Variants in PTPRD observed in about 807,000 individuals in gnomAD.
PTPRD encodes protein tyrosine phosphatase receptor type D.
PTPRD carries 34 observed loss-of-function variants against 214.5 expected under a neutral mutation model. That is an observed-to-expected ratio of 0.16 (90% CI 0.12 to 0.21). PTPRD has a LOEUF of 0.21. Ranked by LOEUF, PTPRD falls within the 10% of genes least tolerant of loss-of-function variation. The probability of loss-of-function intolerance (pLI) is 1.00; values close to 1 mark genes in which losing one functional copy is unlikely to be tolerated. For missense variants in PTPRD, 2,545 were observed against 2,398.7 expected (o/e 1.06, Z -1.27); for synonymous variants, 1,128 against 845.7 (o/e 1.33, Z -5.79).
chr9:9,458,818 C>A (rs149125429), intron 8 of PTPRD, among the ~76,000 whole-genome samples: 1 of 151,944 alleles, frequency 6.6e-6, no homozygotes, highest in African/African-American at 2.4e-5. Context: ...TGTATGCCTG[C>A]AGTCCCAGCT....
chr9:10,397,334 C>T (rs956500031), intron 2 of PTPRD, among the ~76,000 whole-genome samples: 1 of 151,988 alleles, frequency 6.6e-6, no homozygotes, highest in African/African-American at 2.4e-5. Context: ...AGTTAAACAA[C>T]ATGTAAGTGT....
chr9:8,725,294 T>G (rs1446232498), intron 12 of PTPRD, among the ~76,000 whole-genome samples: 2 of 152,198 alleles, frequency 1.3e-5, no homozygotes, highest in Non-Finnish European at 2.9e-5. Flanking sequence ...AAATTAATGT[T>G]AAATATTTGG....
chr9:9,284,746 T>A (rs143832381), intron 9 of PTPRD, among the ~76,000 whole-genome samples: 124 of 151,876 alleles, frequency 8.2e-4, no homozygotes, highest in Admixed American at 2.6e-3. Flanking sequence ...GAACATAGAT[T>A]CTTATGTTAG....
chr9:9,370,240 T>C (rs1307650272), intron 9 of PTPRD, among the ~76,000 whole-genome samples: 1 of 152,158 alleles, frequency 6.6e-6, no homozygotes, highest in Non-Finnish European at 1.5e-5. Context: ...CTCCTACCCA[T>C]GAGCATGGAA....
chr9:9,667,582 AT>A (rs1271182146), intron 7 of PTPRD, among the ~76,000 whole-genome samples: 1 of 152,162 alleles, frequency 6.6e-6, no homozygotes, highest in Non-Finnish European at 1.5e-5. Context: ...CTAAAAGTGA[AT>A]TCATTTAAGC....
At chr9:10,207,593 C>T (rs940858796) in intron 3 of PTPRD, among the ~76,000 whole-genome samples, 9 of 151,536 alleles carry the variant, frequency 5.9e-5, no homozygotes, top group Non-Finnish European at 1.3e-4. Context: ...AAATATTAGC[C>T]CCATTAAAAC....
intron 7 of PTPRD, among the ~76,000 whole-genome samples, chr9:9,605,108 A>G (rs532490724): frequency 1.3e-5 from 2 of 152,092 alleles, no homozygotes; most frequent in African/African-American, 4.8e-5. Flanking sequence ...TTCCCTTCCC[A>G]TTTACCCAGT....
rs145000582 is a variant in PTPRD, at chr9:8,476,876, T to C, written c.3414-5791A>G. Among the ~76,000 whole-genome samples, 7 of 152,294 alleles carry C rather than the reference T, an allele frequency of 4.6e-5. No homozygotes were observed. The East Asian group carries it at 1.4e-3, about 29-fold the overall frequency. ...CCATCAGAATTTTCAACTCTCAGTC[T>C]CATCAAGCTTTTTCTCCTTTCTTCA... On this transcript the variant is annotated intron_variant, in intron 30 of 45. Transcript: ENST00000381196.
chr9:8,559,491 A>C (rs1380509244), intron 14 of PTPRD, among the ~76,000 whole-genome samples: 3 of 152,310 alleles, frequency 2.0e-5, no homozygotes, highest in East Asian at 3.9e-4. Flanking sequence ...TGCTTATTTC[A>C]TCTGAATAGA....
intron 10 of PTPRD, among the ~76,000 whole-genome samples, chr9:9,102,492 T>A (rs1050189806): frequency 6.6e-6 from 1 of 152,342 alleles, no homozygotes; most frequent in African/African-American, 2.4e-5. Context: ...TTCAGCCATT[T>A]GGCGTTCAGA....
At chr9:9,334,598 TC>T (rs2043683461) in intron 9 of PTPRD, among the ~76,000 whole-genome samples, 1 of 152,014 alleles carries the variant, frequency 6.6e-6, no homozygotes, top group South Asian at 2.1e-4. Context: ...TGGATATGTC[TC>T]CTTATCTCTC....
At chr9:9,085,054 A>C (rs1048477413) in intron 10 of PTPRD, among the ~76,000 whole-genome samples, 2 of 152,082 alleles carry the variant, frequency 1.3e-5, no homozygotes, top group Non-Finnish European at 2.9e-5. Context: ...ATTGATTATA[A>C]TGTATGATTC....
intron 10 of PTPRD, among the ~76,000 whole-genome samples, chr9:9,055,623 C>T (rs972797054): frequency 2.0e-5 from 3 of 151,846 alleles, no homozygotes; most frequent in Admixed American, 6.6e-5. Context: ...GGCCTCAAAA[C>T]GTAGTAAAAG....
intron 5 of PTPRD, among the ~76,000 whole-genome samples, chr9:9,829,545 A>G (rs1038593290): frequency 1.3e-5 from 2 of 151,834 alleles, no homozygotes; most frequent in Non-Finnish European, 1.5e-5. Flanking sequence ...AAGATTTTAA[A>G]TATATGGATG....
In PTPRD at chr9:8,733,912, C is replaced by A; in HGVS notation, c.-69G>T. 3 of 1,477,984 alleles carry A rather than the reference C, an allele frequency of 2.0e-6. No homozygotes were observed. The highest frequency in any genetic ancestry group is 2.8e-5 in the African/African-American group (2 of 71,844). 91.6% of individuals were successfully genotyped at this position (1,477,984 alleles called of 1,614,324 possible). A position where few individuals can be genotyped will look rare whatever the true frequency, so the allele number is the denominator to read the frequency against. On this transcript the variant is annotated 5_prime_UTR_variant, in exon 12 of 46. Coordinates refer to ENST00000381196, the MANE Select transcript of PTPRD (RefSeq NM_002839.4). ...GCCTCCGGAGCCGCAGCGAGTCTGT[C>A]CGATCTGAAATTTCAGCTGGAACAC...
chr9:9,123,089 C>G (rs1168712011), intron 10 of PTPRD, among the ~76,000 whole-genome samples: 1 of 152,200 alleles, frequency 6.6e-6, no homozygotes, highest in East Asian at 1.9e-4. Context: ...CGAAGCAGGA[C>G]TGCTCTGTTT....
chr9:8,649,554 A>G (rs2096763670), intron 12 of PTPRD, among the ~76,000 whole-genome samples: 1 of 152,232 alleles, frequency 6.6e-6, no homozygotes, highest in African/African-American at 2.4e-5. Context: ...GAGTAATAAA[A>G]CAGATTTAAA....
At chr9:9,208,020 C>CTTTTTTTTGTTTTTTTTTTTTTTTT (rs2099946014) in intron 9 of PTPRD, among the ~76,000 whole-genome samples, 1 of 53,260 alleles carries the variant, frequency 1.9e-5, no homozygotes, top group African/African-American at 5.4e-5. Context: ...TATATATCTG[C>CTTTTTTTTGTTTTTTTTTTTTTTTT]TTTTTTTTTT....
At position 9,566,646 on chromosome 9, in the gene PTPRD, G is replaced by A. The variant is rs562464236; in HGVS notation, c.-237+8086C>T. On this transcript the variant is annotated intron_variant, in intron 8 of 45. Transcript: ENST00000381196. ...CTAAACACTATAAAATATAAAATTA[G>A]CACAATTTACAAAGATTAAACACCA... 3.3e-5 allele frequency among the ~76,000 whole-genome samples: 5 copies of A among 151,978 alleles called. No individual in the cohort carries two copies. In the South Asian group the frequency reaches 1.0e-3, roughly 32 times the overall value.
Sources: allele counts gnomAD v4.1 joint callset (sites outside exome capture counted in the v4.1 genomes callset), GRCh38; gene constraint gnomAD v4.1.1; transcripts MANE v1.5; gene names NCBI Gene and HGNC (gene_info 2026-07-23, HGNC 2026-07-21).